The following SLC10A7 variants were observed in gnomAD, a reference collection of about 807,000 sequenced individuals.
The protein encoded by SLC10A7 is solute carrier family 10 member 7.
Under a neutral mutation model 43.2 loss-of-function variants are expected in SLC10A7, and 29 were observed. The ratio of observed to expected loss-of-function variants is 0.67; its 90% CI spans 0.50 to 0.92. The LOEUF is 0.92. Ranked by LOEUF, SLC10A7 falls within the 40% of genes least tolerant of loss-of-function variation. The pLI, the probability that SLC10A7 is intolerant of heterozygous loss-of-function variation, is 0.00. For missense variants in SLC10A7, 295 were observed against 403.2 expected, an observed-to-expected ratio of 0.73 and a Z score of 2.30; for synonymous variants, 152 against 144.8, an observed-to-expected ratio of 1.05 and a Z score of -0.35.
intron 5 of SLC10A7, among the ~76,000 whole-genome samples, chr4:146,417,905 C>A (rs1728685400): frequency 6.6e-6 from 1 of 152,056 alleles, no homozygotes; most frequent in South Asian, 2.1e-4. Flanking sequence ...ACCTTGACAG[C>A]AAGGTGAAAG....
intron 4 of SLC10A7, among the ~76,000 whole-genome samples, chr4:146,488,420 C>T (rs1253798761): frequency 2.6e-5 from 4 of 152,092 alleles, no homozygotes; most frequent in African/African-American, 9.7e-5. Flanking sequence ...CTCCTAATGT[C>T]TTCTAATGTG....
chr4:146,410,720 C>A lies in SLC10A7; in HGVS notation c.435+32063G>T, dbSNP rs972807364. The stretch of plus-strand genomic sequence containing the variant: ...AGAGCCAAAAGAAAAATATTTTAAA[C>A]CTACACACTTGTACATTGAGTCAAA... On this transcript the variant is annotated intron_variant, in intron 5 of 11. Coordinates refer to ENST00000335472, the MANE Select transcript of SLC10A7 (RefSeq NM_001029998.6). 1.3e-5 allele frequency among the ~76,000 whole-genome samples: 2 copies of A among 152,106 alleles called. 1 individual carries two copies. The highest frequency in any genetic ancestry group is 4.8e-5 in the African/African-American group (2 of 41,440).
chr4:146,283,375 G>T, intron 9 of SLC10A7, 110 bp from the exon 10 acceptor site: 2 of 793,874 alleles, frequency 2.5e-6, no homozygotes, highest in Non-Finnish European at 4.3e-6. Context: ...GATCAATCCT[G>T]GTGACAGTAG....
intron 11 of SLC10A7, 83 bp from the exon 12 acceptor site, chr4:146,256,603 C>A (rs370749784): frequency 3.2e-5 from 48 of 1,477,018 alleles, no homozygotes; most frequent in Non-Finnish European, 4.3e-5. Flanking sequence ...ATAATTTATG[C>A]TATTAGAAGG....
rs191654014 is a variant in SLC10A7, at chr4:146,371,385, A to G, written c.436-45389T>C. 2.6e-4 allele frequency among the ~76,000 whole-genome samples: 40 copies of G among 152,320 alleles called. No homozygotes were observed. In the East Asian group the frequency reaches 7.1e-3, roughly 27 times the overall value. On this transcript the variant is annotated intron_variant, in intron 5 of 11. Coordinates refer to ENST00000335472, the MANE Select transcript of SLC10A7 (RefSeq NM_001029998.6). Reference sequence around the variant, plus strand: ...GCTTTCTTCCTTGTATACAAAGTCAAGAACAATTAATCTCATCTAAAGGCA... The same window carrying G: ...GCTTTCTTCCTTGTATACAAAGTCAGGAACAATTAATCTCATCTAAAGGCA...
At chr4:146,411,273 T>C (rs1476831312) in intron 5 of SLC10A7, among the ~76,000 whole-genome samples, 1 of 152,134 alleles carries the variant, frequency 6.6e-6, no homozygotes, top group Non-Finnish European at 1.5e-5. Context: ...ACCACCGTGG[T>C]GCCCTATAGC....
chr4:146,392,692 C>T (rs1738530505), intron 5 of SLC10A7, among the ~76,000 whole-genome samples: 1 of 152,122 alleles, frequency 6.6e-6, no homozygotes, highest in African/African-American at 2.4e-5. Context: ...GAGCCAGACC[C>T]CTCAATGCCT....
intron 4 of SLC10A7, among the ~76,000 whole-genome samples, chr4:146,457,766 C>T (rs1732195947): frequency 6.6e-6 from 1 of 151,928 alleles, no homozygotes; most frequent in Non-Finnish European, 1.5e-5. Flanking sequence ...TTGAAAGACA[C>T]AAACTACAAA....
chr4:146,264,516 A>T (rs1021839850), intron 10 of SLC10A7, among the ~76,000 whole-genome samples: 1 of 152,192 alleles, frequency 6.6e-6, no homozygotes, highest in Admixed American at 6.5e-5. Flanking sequence ...CCTCTGCTAT[A>T]TGTGAGTTAC....
chr4:146,503,513 G>C (rs528633164), intron 4 of SLC10A7, among the ~76,000 whole-genome samples: 6 of 152,082 alleles, frequency 3.9e-5, no homozygotes, highest in African/African-American at 1.4e-4. Flanking sequence ...ATAAGGAATC[G>C]CCATACTGGA....
At chr4:146,334,953 G>C (rs890291383) in intron 5 of SLC10A7, among the ~76,000 whole-genome samples, 7 of 152,032 alleles carry the variant, frequency 4.6e-5, no homozygotes, top group African/African-American at 1.7e-4. Context: ...TATTGGGAAA[G>C]AGTCTAAGTT....
At chr4:146,462,393 T>G (rs1732624036) in intron 4 of SLC10A7, among the ~76,000 whole-genome samples, 1 of 152,134 alleles carries the variant, frequency 6.6e-6, no homozygotes, top group South Asian at 2.1e-4. Context: ...TTCTTAATTT[T>G]ACATGTAAGG....
intron 5 of SLC10A7, among the ~76,000 whole-genome samples, chr4:146,361,940 T>C (rs747408485): frequency 1.2e-4 from 19 of 152,196 alleles, no homozygotes; most frequent in Non-Finnish European, 2.2e-4. Context: ...AAAAATTTGA[T>C]TGACAAACCG....
chr4:146,481,361 C>G (rs369897089), intron 4 of SLC10A7, among the ~76,000 whole-genome samples: 9 of 152,324 alleles, frequency 5.9e-5, no homozygotes, highest in Middle Eastern at 3.4e-3. Flanking sequence ...CTGTGCCCCA[C>G]GCCCCACAAG....
chr4:146,431,699 G>C (rs1280034191), intron 5 of SLC10A7, among the ~76,000 whole-genome samples: 1 of 151,254 alleles, frequency 6.6e-6, no homozygotes, highest in East Asian at 1.9e-4. Flanking sequence ...ACTTATAGAA[G>C]AAAACATAGG....
chr4:146,451,711 TATAGAAGTTACACACCTTAG>T lies in SLC10A7; in HGVS notation c.397-8910_397-8891del, dbSNP rs1413340533. Among the ~76,000 whole-genome samples, 14 of 152,186 alleles carry T rather than the reference TATAGAAGTTACACACCTTAG, an allele frequency of 9.2e-5. No individual in the cohort carries two copies. The East Asian group carries it at 1.4e-3, about 15-fold the overall frequency. The stretch of plus-strand genomic sequence containing the variant: ...TGATAAAAATTCTCAACAAATTAGG[TATAGAAGTTACACACCTTAG>T]ATAGAAGTTACACACCTTAAGATAA... On this transcript the variant is annotated intron_variant, in intron 4 of 11. Coordinates refer to ENST00000335472, the MANE Select transcript of SLC10A7 (RefSeq NM_001029998.6).
At chr4:146,265,007 C>G (rs1728466277) in intron 10 of SLC10A7, among the ~76,000 whole-genome samples, 1 of 152,218 alleles carries the variant, frequency 6.6e-6, no homozygotes, top group African/African-American at 2.4e-5. Flanking sequence ...AGCCAATACC[C>G]TGCTCAAGAG....
intron 4 of SLC10A7, among the ~76,000 whole-genome samples, chr4:146,450,303 A>G (rs1361422259): frequency 6.6e-6 from 1 of 152,142 alleles, no homozygotes; most frequent in African/African-American, 2.4e-5. Context: ...CAGCATTTAC[A>G]TCATATGTTA....
intron 10 of SLC10A7, among the ~76,000 whole-genome samples, chr4:146,262,021 C>G (rs1728261622): frequency 6.6e-6 from 1 of 152,224 alleles, no homozygotes; most frequent in South Asian, 2.1e-4. Context: ...TAACTTCCAC[C>G]AAAAGCATTT....
Sources: gnomAD v4.1 joint callset for allele counts (sites outside exome capture counted in the v4.1 genomes callset) on GRCh38, gnomAD v4.1.1 for gene constraint, MANE v1.5 for transcripts, NCBI Gene and HGNC (gene_info 2026-07-23, HGNC 2026-07-21) for gene names.